HAP1: variants seen among roughly 807,000 people sequenced by gnomAD.
HAP1 encodes huntingtin-associated protein 1.
In HAP1, 59 loss-of-function variants were observed where a neutral mutation model predicts 60.3. The observed-to-expected ratio is 0.98, with a 90% confidence interval of 0.79 to 1.22. The LOEUF (loss-of-function observed/expected upper bound fraction) is 1.22, where lower values mean the gene tolerates loss of function less well. HAP1 is among the 50% of genes most tolerant of loss of function. HAP1 has a pLI of 0.00. For synonymous variants in HAP1, 346 were observed against 330.6 expected, an observed-to-expected ratio of 1.05 and a Z score of -0.50; for missense variants, 825 against 785.3, an observed-to-expected ratio of 1.05 and a Z score of -0.60.
At position 41,734,436 on chromosome 17, in the gene HAP1, C is replaced by T; in HGVS notation, c.199G>A (p.Gly67Arg). Residue 67 changes from glycine (G) to arginine (R), a missense_variant, in exon 1 of 11, where the codon GGA becomes AGA. Physicochemically the swap from Gly to Arg is moderately radical, Grantham distance 125 (BLOSUM62 -2). Coordinates refer to ENST00000347901, the MANE Select transcript of HAP1 (RefSeq NM_177977.3). ...GSQFLSEART[G>R]ARPASEAGAK... Reference sequence around the variant, plus strand: ...CCAGCCTCCGAGGCCGGGCGAGCTCCGGTGCGGGCTTCCGAGAGGAACTGG... The same window carrying T: ...CCAGCCTCCGAGGCCGGGCGAGCTCTGGTGCGGGCTTCCGAGAGGAACTGG... 2 of 1,608,556 alleles carry T rather than the reference C, an allele frequency of 1.2e-6. No homozygotes were observed. The highest frequency in any genetic ancestry group is 2.7e-5 in the African/African-American group (2 of 74,950).
chr17:41,727,518 G>C, intron 8 of HAP1: 1 of 749,928 alleles, frequency 1.3e-6, no homozygotes, highest in Non-Finnish European at 2.5e-6. Flanking sequence ...TGAGGCCAGA[G>C]GCCCAGGTTC....
intron 6 of HAP1, among the ~76,000 whole-genome samples, chr17:41,729,359 G>A (rs1911941727): frequency 6.8e-6 from 1 of 147,588 alleles, no homozygotes; most frequent in Admixed American, 6.7e-5. Flanking sequence ...ACACCAGCTT[G>A]CCCAACATGG....
rs1555591404 is a variant in HAP1 at position 41,732,569 on chromosome 17, C to A, written c.549+150G>T. 14 of 959,938 alleles carry A rather than the reference C, an allele frequency of 1.5e-5. No homozygotes were observed. The East Asian group carries it at 3.1e-4, about 21-fold the overall frequency. The allele number at this position is 959,938 out of a possible 1,614,324, so 59.5% of individuals were successfully genotyped here. A position where few individuals can be genotyped will look rare whatever the true frequency, so the allele number is the denominator to read the frequency against. On this transcript the variant is annotated intron_variant, in intron 2 of 10. Coordinates refer to ENST00000347901, the MANE Select transcript of HAP1 (RefSeq NM_177977.3). Reference sequence around the variant, plus strand: ...AGATTGGCTCTGAGAGCTCTTCCAGCCTGAACATCCCACATCGACCTGTCT... The same window carrying A: ...AGATTGGCTCTGAGAGCTCTTCCAGACTGAACATCCCACATCGACCTGTCT...
Position 41,724,659 on chromosome 17 carries a change from T to C in HAP1, c.*42A>G. ...ATAAGCACAGCAGGTAGAGCCAGGC[T>C]GGGGCAGGTGAGCACTCGGGGAGCT... On this transcript the variant is annotated 3_prime_UTR_variant, in exon 11 of 11. Coordinates refer to ENST00000347901, the MANE Select transcript of HAP1 (RefSeq NM_177977.3). 7.0e-7 allele frequency: 1 copy of C among 1,436,180 alleles called. No individual in the cohort carries two copies. The highest frequency in any genetic ancestry group is 9.6e-7 in the Non-Finnish European group (1 of 1,040,014). 89.0% of individuals were successfully genotyped at this position (1,436,180 alleles called of 1,614,324 possible).
chr17:41,731,770 G>C (rs1912222795), intron 4 of HAP1, 27 bp from the exon 5 acceptor site: 2 of 1,544,462 alleles, frequency 1.3e-6, no homozygotes, highest in Non-Finnish European at 1.8e-6. Context: ...TGGGAGTCAG[G>C]GTGCAGGGAG....
At chr17:41,731,467 C>G in intron 6 of HAP1, 26 bp downstream of exon 6, 4 of 1,530,716 alleles carry the variant, frequency 2.6e-6, no homozygotes, top group Non-Finnish European at 3.6e-6. Flanking sequence ...GGACAACCCC[C>G]CACCCCGAGT....
chr17:41,725,939 C>G, intron 9 of HAP1, 42 bp from the exon 10 acceptor site: 1 of 1,457,096 alleles, frequency 6.9e-7, no homozygotes, highest in Non-Finnish European at 9.6e-7. Context: ...CAATGGAAGC[C>G]GAAACTGCAG....
chr17:41,725,797 G>C, intron 10 of HAP1, 62 bp downstream of exon 10: 1 of 1,261,152 alleles, frequency 7.9e-7, no homozygotes, highest in Non-Finnish European at 1.2e-6. Context: ...ACCAGAGGCA[G>C]GTGGGCTGTC....
intron 6 of HAP1, among the ~76,000 whole-genome samples, chr17:41,729,027 GCCGCCCGAGTC>G (rs1555589768): frequency 6.6e-6 from 1 of 151,978 alleles, no homozygotes; most frequent in Non-Finnish European, 1.5e-5. Flanking sequence ...CACTGTAACT[GCCGCCCGAGTC>G]CAAGCGATTT....
chr17:41,717,783 G>A (rs1368053694), downstream of HAP1: 2 of 278,386 alleles, frequency 7.2e-6, no homozygotes, highest in African/African-American at 2.2e-5. Context: ...GGCAAAACAG[G>A]AAACTGGGAG....
chr17:41,729,549 C>CAAAA lies in HAP1; in HGVS notation c.1070-1222_1070-1219dup, dbSNP rs1162563636. 6.2e-4 allele frequency among the ~76,000 whole-genome samples: 39 copies of CAAAA among 63,108 alleles called. 13 individuals are homozygous for CAAAA. The highest frequency in any genetic ancestry group is 1.5e-3 in the African/African-American group (22 of 14,572). The allele number at this position is 63,108 out of a possible 152,430, so 41.4% of individuals were successfully genotyped here. A position where few individuals can be genotyped will look rare whatever the true frequency, so the allele number is the denominator to read the frequency against. On this transcript the variant is annotated intron_variant, in intron 6 of 10. Transcript: ENST00000347901. Reference sequence around the variant, plus strand: ...TGGGTTACAGAGGGAGCCTCCTTCTCAAAAAAAAAAAAAAAAAAAAAAAAA... The same window carrying CAAAA: ...TGGGTTACAGAGGGAGCCTCCTTCTCAAAAAAAAAAAAAAAAAAAAAAAAAAAAA...
At chr17:41,732,147 T>A (rs375097710) in intron 3 of HAP1, 29 bp from the exon 4 acceptor site, 44 of 1,612,690 alleles carry the variant, frequency 2.7e-5, no homozygotes, top group Non-Finnish European at 3.7e-5. Flanking sequence ...AGCCATGGGT[T>A]GGGAGTGGGC....
In HAP1 at chr17:41,724,635, T is replaced by C; in HGVS notation, c.*66A>G. On this transcript the variant is annotated 3_prime_UTR_variant, in exon 11 of 11. Transcript: ENST00000347901. ...AAATGATATGCAAAGTCCATGCAAA[T>C]AAGCACAGCAGGTAGAGCCAGGCTG... is the stretch of plus-strand genomic sequence containing the variant. 1 of 1,187,624 alleles carries C rather than the reference T, an allele frequency of 8.4e-7. No individual in the cohort carries two copies. Among genetic ancestry groups the C allele is most frequent in the African/African-American group, 1.5e-5 (1 of 65,914 alleles). The allele number at this position is 1,187,624 out of a possible 1,614,324, so 73.6% of individuals were successfully genotyped here. A position where few individuals can be genotyped will look rare whatever the true frequency, so the allele number is the denominator to read the frequency against.
intron 2 of HAP1, 127 bp from the exon 3 acceptor site, chr17:41,732,521 T>A: frequency 1.8e-6 from 2 of 1,092,032 alleles, no homozygotes; most frequent in Non-Finnish European, 2.7e-6. Context: ...CAGTTTCCCC[T>A]CATGGAAAAA....
At position 41,732,795 on chromosome 17, in the gene HAP1, A is replaced by T; in HGVS notation, c.473T>A (p.Leu158Gln). ...AAFIRELEEA[L>Q]CPNLPPPVKK... is the part of the protein sequence containing the mutation. ...GACTGGCGGAGGTAGGTTAGGACAC[A>T]GTGCTGCAGGAGGCGGCAGGTGGGG... Residue 158 changes from leucine (L) to glutamine (Q), a missense_variant, in exon 2 of 11, where the codon CTG (leucine) becomes CAG (glutamine). Transcript: ENST00000347901. 6.2e-7 allele frequency: 1 copy of T among 1,602,362 alleles called. No individual in the cohort carries two copies. The highest frequency in any genetic ancestry group is 8.6e-7 in the Non-Finnish European group (1 of 1,169,346).
chr17:41,734,146 A>G lies in HAP1; in HGVS notation c.469+20T>C. ...TGCCCCAGTCCCCACCCGGTCCAGG[A>G]CCCCGGGGGCCCGATTTACCTTCCT... is the stretch of plus-strand genomic sequence containing the variant. On this transcript the variant is annotated intron_variant, in intron 1 of 10. Transcript: ENST00000347901. 1 of 1,551,416 alleles carries G rather than the reference A, an allele frequency of 6.4e-7. No individual in the cohort carries two copies.
chr17:41,720,431 G>A (rs549274570), downstream of HAP1, among the ~76,000 whole-genome samples: 2 of 144,444 alleles, frequency 1.4e-5, no homozygotes, highest in African/African-American at 5.2e-5. Context: ...CTGACCTCAG[G>A]TGATCCACCC....
At chr17:41,729,331 C>T (rs1911938944) in intron 6 of HAP1, among the ~76,000 whole-genome samples, 1 of 149,950 alleles carries the variant, frequency 6.7e-6, no homozygotes, top group South Asian at 2.1e-4. Flanking sequence ...GGATGGATCG[C>T]TTGAGGTCAG....
downstream of HAP1, among the ~76,000 whole-genome samples, chr17:41,720,019 A>G (rs1911135065): frequency 6.7e-6 from 1 of 150,292 alleles, no homozygotes; most frequent in East Asian, 2.0e-4. Context: ...CGTCCCAAGT[A>G]GCTGGGATTA....
Sources: gnomAD v4.1 joint callset for allele counts (sites outside exome capture counted in the v4.1 genomes callset) on GRCh38, gnomAD v4.1.1 for gene constraint, MANE v1.5 for transcripts, NCBI Gene and HGNC (gene_info 2026-07-23, HGNC 2026-07-21) for gene names.